The following PHKA1 variants were observed in gnomAD, a reference collection of about 807,000 sequenced individuals.
The protein encoded by PHKA1 is phosphorylase kinase regulatory subunit alpha 1.
A neutral mutation model predicts 110.2 loss-of-function variants in PHKA1; 60 were observed. The observed-to-expected ratio is 0.54, with a 90% CI of 0.44 to 0.68. The LOEUF is 0.68. PHKA1 is among the 30% of genes least tolerant of loss of function. PHKA1 has a pLI of 0.00. For synonymous variants in PHKA1, 316 were observed against 333.6 expected, an observed-to-expected ratio of 0.95 and a Z score of 0.58; for missense variants, 801 against 942.5, an observed-to-expected ratio of 0.85 and a Z score of 1.97.
In PHKA1 at chrX:72,714,149, C is replaced by A; in HGVS notation, c.-269G>T. 2.6e-6 allele frequency: 1 copy of A among 387,418 alleles called. No homozygotes were observed. Among genetic ancestry groups the A allele is most frequent in the South Asian group, 3.4e-5 (1 of 29,262 alleles). The allele number at this position is 387,418 out of a possible 1,213,427, so 31.9% of individuals were successfully genotyped here. ...CCGCCGCAGCGCCCCAGGCGCCGCT[C>A]CTGCCCCCTTAGTCCAGTCCGGCCT... is the stretch of plus-strand genomic sequence containing the variant. On this transcript the variant is annotated 5_prime_UTR_variant, in exon 1 of 32. Coordinates refer to ENST00000373542, the MANE Select transcript of PHKA1 (RefSeq NM_002637.4).
rs563484322 is a variant in PHKA1 at position 72,615,752 on chromosome X, GGGAAGGAAGGAAGGAAGGAAGGAA to G, written c.2369+2934_2369+2957del. Among the ~76,000 whole-genome samples the G allele has an allele frequency of 6.0e-3, 201 of 33,466 alleles. 1 individual carries two copies. Among genetic ancestry groups the G allele is most frequent in the Middle Eastern group, 0.074 (2 of 27 alleles). The allele number at this position is 33,466 out of a possible 115,157, so 29.1% of individuals were successfully genotyped here. ...AAGGAAGGAAGGAAAGAAGGAGGGGGGGAAGGAAGGAAGGAAGGAAGGAAGGAAGGAAGGAAGGAAGGATTGATT... is the reference window on the plus strand; with the variant it reads ...AAGGAAGGAAGGAAAGAAGGAGGGGGGGAAGGAAGGAAGGAAGGATTGATT... On this transcript the variant is annotated intron_variant, in intron 21 of 31. Transcript: ENST00000373542.
intron 2 of PHKA1, among the ~76,000 whole-genome samples, chrX:72,711,462 A>T (rs1415630090): frequency 9.0e-6 from 1 of 110,979 alleles, no homozygotes; most frequent in Non-Finnish European, 1.9e-5. Context: ...AAGTCATAAA[A>T]GGCTGGGCGC....
intron 5 of PHKA1, among the ~76,000 whole-genome samples, chrX:72,681,426 C>T (rs1166424397): frequency 9.1e-5 from 10 of 109,878 alleles, no homozygotes; most frequent in Non-Finnish European, 1.5e-4. Context: ...CGGCCAGCCG[C>T]CCCATCCGGG....
intron 21 of PHKA1, 31 bp from the exon 22 acceptor site, chrX:72,611,215 T>C (rs782051267): frequency 8.8e-7 from 1 of 1,133,410 alleles, no homozygotes; most frequent in Admixed American, 2.2e-5. Context: ...CTACATCAGT[T>C]TTAAGTAAAG....
intron 8 of PHKA1, among the ~76,000 whole-genome samples, chrX:72,658,016 T>A (rs1256624459): frequency 8.9e-6 from 1 of 112,152 alleles, no homozygotes; most frequent in Non-Finnish European, 1.9e-5. Flanking sequence ...ATAAGCTTTT[T>A]AAAAAAACAC....
At chrX:72,682,787 C>T (rs1386749974) in intron 5 of PHKA1, among the ~76,000 whole-genome samples, 5 of 80,339 alleles carry the variant, frequency 6.2e-5, no homozygotes, top group East Asian at 4.0e-4. Flanking sequence ...ACAAACACTG[C>T]GGAAGGCCGC....
chrX:72,629,187 T>C (rs782109833), intron 16 of PHKA1, among the ~76,000 whole-genome samples: 6 of 111,704 alleles, frequency 5.4e-5, no homozygotes, highest in Non-Finnish European at 9.4e-5. Flanking sequence ...ATTGCCTGAA[T>C]TGATATAATG....
chrX:72,607,014 G>A (rs1480362811), intron 23 of PHKA1, among the ~76,000 whole-genome samples: 2 of 111,360 alleles, frequency 1.8e-5, no homozygotes, highest in Non-Finnish European at 3.8e-5. Flanking sequence ...TTAACATAAT[G>A]ACCTCCAGTT....
chrX:72,712,982 T>C (rs1172761416), intron 1 of PHKA1, 45 bp from the exon 2 acceptor site: 6 of 1,177,150 alleles, frequency 5.1e-6, no homozygotes, highest in Non-Finnish European at 6.9e-6. Flanking sequence ...CCATAGGTGT[T>C]AACATCAGGA....
intron 14 of PHKA1, among the ~76,000 whole-genome samples, chrX:72,639,490 C>T (rs1167770763): frequency 9.0e-6 from 1 of 111,089 alleles, no homozygotes; most frequent in Non-Finnish European, 1.9e-5. Context: ...GAGCCGAGAT[C>T]GCGCCACTGC....
chrX:72,587,265 T>G (rs1328184301), intron 29 of PHKA1, among the ~76,000 whole-genome samples: 1 of 110,540 alleles, frequency 9.0e-6, no homozygotes, highest in Admixed American at 9.6e-5. Context: ...CAGAAGAGAG[T>G]GGGGGCCGAT....
intron 12 of PHKA1, 134 bp from the exon 13 acceptor site, chrX:72,650,602 C>A: frequency 1.9e-6 from 1 of 519,847 alleles, no homozygotes; most frequent in Non-Finnish European, 3.3e-6. Context: ...GAAACAAATG[C>A]CTTCACTGTA....
At chrX:72,682,120 G>A (rs1603270777) in intron 5 of PHKA1, among the ~76,000 whole-genome samples, 1 of 92,950 alleles carries the variant, frequency 1.1e-5, no homozygotes, top group African/African-American at 3.8e-5. Context: ...CCGTCCGGGA[G>A]GTGAGGGGCG....
At chrX:72,660,024 C>T (rs1444679840) in intron 8 of PHKA1, among the ~76,000 whole-genome samples, 4 of 112,261 alleles carry the variant, frequency 3.6e-5, no homozygotes, top group Non-Finnish European at 7.5e-5. Context: ...GTTAGGCTTG[C>T]AGTATCTAGT....
At chrX:72,705,089 T>C in intron 3 of PHKA1, 109 bp downstream of exon 3, 1 of 621,304 alleles carries the variant, frequency 1.6e-6, no homozygotes, top group South Asian at 2.3e-5. Flanking sequence ...AATTAGTGTG[T>C]ACTATTTGTG....
At chrX:72,643,381 CT>C (rs2053322006) in intron 14 of PHKA1, among the ~76,000 whole-genome samples, 1 of 111,624 alleles carries the variant, frequency 9.0e-6, no homozygotes, top group African/African-American at 3.3e-5. Flanking sequence ...TATTACTTTT[CT>C]ATTGGTTCTA....
At chrX:72,694,272 T>C (rs782119547) in intron 4 of PHKA1, among the ~76,000 whole-genome samples, 1 of 112,438 alleles carries the variant, frequency 8.9e-6, no homozygotes, top group South Asian at 3.7e-4. Flanking sequence ...TTTCACTAAC[T>C]TCCTAACTAG....
At chrX:72,632,793 T>A (rs1305670060) in intron 16 of PHKA1, among the ~76,000 whole-genome samples, 2 of 112,200 alleles carry the variant, frequency 1.8e-5, no homozygotes, top group Non-Finnish European at 3.8e-5. Context: ...TGTCACTTAC[T>A]AGCTTTGTGA....
rs2052338673 is a variant in PHKA1, at chrX:72,581,599, G to C, written c.3499-424C>G. On this transcript the variant is annotated intron_variant, in intron 31 of 31. Coordinates refer to ENST00000373542, the MANE Select transcript of PHKA1 (RefSeq NM_002637.4). ...GCATTTGATCATGATTTCTTTCTAA[G>C]GCGACTTAATTCAAATAGACTAAGT... Among the ~76,000 whole-genome samples the C allele has an allele frequency of 3.6e-5, 4 of 111,321 alleles. No homozygotes were observed. The South Asian group carries it at 1.1e-3, about 31-fold the overall frequency.
Sources: gnomAD v4.1 joint callset for allele counts (sites outside exome capture counted in the v4.1 genomes callset) on GRCh38, gnomAD v4.1.1 for gene constraint, MANE v1.5 for transcripts, NCBI Gene and HGNC (gene_info 2026-07-23, HGNC 2026-07-21) for gene names.